Variants in SLC14A2 observed in about 807,000 individuals in gnomAD.
SLC14A2 encodes solute carrier family 14 member 2.
A neutral mutation model predicts 104.6 loss-of-function variants in SLC14A2; 91 were observed. The observed-to-expected ratio is 0.87, with a 90% CI of 0.73 to 1.04. The LOEUF (loss-of-function observed/expected upper bound fraction) is 1.04, where lower values mean the gene tolerates loss of function less well. Among genes scored for constraint, SLC14A2 ranks in the 50% least tolerant of loss-of-function variants. The probability of loss-of-function intolerance (pLI) is 0.00; values close to 1 mark genes in which losing one functional copy is unlikely to be tolerated. For synonymous variants in SLC14A2, 476 were observed against 466.4 expected (o/e 1.02, Z -0.27); for missense variants, 1,189 against 1,156.0 (o/e 1.03, Z -0.41).
chr18:45,488,380 G>A (rs578153509), intron 2 of SLC14A2, among the ~76,000 whole-genome samples: 25 of 152,298 alleles, frequency 1.6e-4, no homozygotes, highest in South Asian at 4.1e-4. Context: ...CTGAGGGCAG[G>A]GCAGGGCAGG....
chr18:45,567,003 A>T (rs1346131509), intron 2 of SLC14A2, among the ~76,000 whole-genome samples: 2 of 152,110 alleles, frequency 1.3e-5, no homozygotes, highest in African/African-American at 2.4e-5. Context: ...GGACATATAG[A>T]CACAAACCAC....
intron 1 of SLC14A2, among the ~76,000 whole-genome samples, chr18:45,374,272 A>G (rs1040282390): frequency 2.6e-5 from 4 of 152,222 alleles, no homozygotes; most frequent in African/African-American, 7.2e-5. Context: ...CTCTCCTGGA[A>G]GAAAGAACAA....
intron 2 of SLC14A2, among the ~76,000 whole-genome samples, chr18:45,547,964 T>C (rs980877705): frequency 2.0e-5 from 3 of 152,140 alleles, no homozygotes; most frequent in Admixed American, 2.0e-4. Context: ...GCTAGGAGAA[T>C]GGGTTCAAAT....
rs1599102438 is a variant in SLC14A2, at chr18:45,640,027, C to T, written c.991+134C>T. The T allele has an allele frequency of 4.8e-6, 4 of 829,974 alleles. No homozygotes were observed. In the East Asian group the frequency reaches 1.1e-4, roughly 23 times the overall value. The allele number at this position is 829,974 out of a possible 1,614,324, so 51.4% of individuals were successfully genotyped here. ...ACTTTCAGGGAGACAGGCACGGTGA[C>T]TTATGCCTGTAATCCCAGCACTTTG... is the stretch of plus-strand genomic sequence containing the variant. On this transcript the variant is annotated intron_variant, in intron 7 of 19. Transcript: ENST00000255226.
chr18:45,667,724 T>A, intron 13 of SLC14A2, 109 bp from the exon 14 acceptor site: 1 of 841,282 alleles, frequency 1.2e-6, no homozygotes, highest in South Asian at 1.6e-5. Context: ...GGTGGCTGGC[T>A]TCCTGCAAAC....
chr18:45,610,298 A>G (rs2044951271), intron 2 of SLC14A2, among the ~76,000 whole-genome samples: 1 of 152,194 alleles, frequency 6.6e-6, no homozygotes, highest in Non-Finnish European at 1.5e-5. Context: ...TGGAGTAGCA[A>G]GGGCATAAAA....
At chr18:45,348,706 T>C (rs555174581) in intron 1 of SLC14A2, among the ~76,000 whole-genome samples, 1 of 152,306 alleles carries the variant, frequency 6.6e-6, no homozygotes, top group Non-Finnish European at 1.5e-5. Flanking sequence ...GGTAGAACAG[T>C]AATGATTTTC....
intron 10 of SLC14A2, among the ~76,000 whole-genome samples, chr18:45,645,814 A>G (rs1407160837): frequency 2.0e-5 from 3 of 152,062 alleles, no homozygotes; most frequent in Admixed American, 6.5e-5. Flanking sequence ...ACTTTATTAA[A>G]CAAGCAGTGA....
At chr18:45,278,843 AG>A (rs938490665) in intron 1 of SLC14A2, among the ~76,000 whole-genome samples, 1 of 152,106 alleles carries the variant, frequency 6.6e-6, no homozygotes, top group Non-Finnish European at 1.5e-5. Flanking sequence ...CAAAACCTGA[AG>A]GGTTTGGTTT....
chr18:45,263,642 G>A (rs1431986910), intron 1 of SLC14A2, among the ~76,000 whole-genome samples: 1 of 152,156 alleles, frequency 6.6e-6, no homozygotes, highest in Non-Finnish European at 1.5e-5. Context: ...GGAAGGAAGA[G>A]CTGTTGTTTC....
intron 1 of SLC14A2, among the ~76,000 whole-genome samples, chr18:45,475,007 G>T (rs1212092361): frequency 6.6e-6 from 1 of 152,068 alleles, no homozygotes; most frequent in Non-Finnish European, 1.5e-5. Context: ...TTTCTCCTGT[G>T]GGCATTTAAT....
upstream of SLC14A2, among the ~76,000 whole-genome samples, chr18:45,613,191 T>A (rs954843474): frequency 5.3e-5 from 8 of 152,040 alleles, no homozygotes; most frequent in African/African-American, 1.9e-4. Context: ...CCCGCCACCA[T>A]GCCCAGCTAA....
At chr18:45,436,674 C>A (rs193016515) in intron 1 of SLC14A2, 3 of 152,052 alleles carry the variant, frequency 2.0e-5, no homozygotes, top group Middle Eastern at 3.2e-3. Flanking sequence ...CAGTGACAGG[C>A]GATTTGAGGT....
intron 1 of SLC14A2, among the ~76,000 whole-genome samples, chr18:45,315,120 A>G (rs530649753): frequency 1.3e-5 from 2 of 152,188 alleles, no homozygotes; most frequent in African/African-American, 4.8e-5. Flanking sequence ...GAAGAACTGT[A>G]TCTCACTGCA....
chr18:45,334,551 C>T (rs2085320332), intron 1 of SLC14A2, among the ~76,000 whole-genome samples: 1 of 152,184 alleles, frequency 6.6e-6, no homozygotes, highest in South Asian at 2.1e-4. Flanking sequence ...GTATTTACTT[C>T]TGTGGGTCCA....
At chr18:45,470,160 T>C (rs1372821479) in intron 1 of SLC14A2, among the ~76,000 whole-genome samples, 7 of 152,238 alleles carry the variant, frequency 4.6e-5, no homozygotes, top group Non-Finnish European at 7.3e-5. Context: ...TAAATATTTA[T>C]AATGTTTAGA....
intron 1 of SLC14A2, among the ~76,000 whole-genome samples, chr18:45,437,882 C>CAA (rs941757578): frequency 6.6e-6 from 1 of 152,166 alleles, no homozygotes; most frequent in African/African-American, 2.4e-5. Flanking sequence ...TCATACTGAG[C>CAA]AAAATACATG....
intron 1 of SLC14A2, among the ~76,000 whole-genome samples, chr18:45,230,419 C>T (rs1006207927): frequency 5.3e-5 from 8 of 152,050 alleles, no homozygotes; most frequent in African/African-American, 1.9e-4. Flanking sequence ...GCCTGTGGGC[C>T]CTATCTTTCA....
the SLC14A2 span, among the ~76,000 whole-genome samples, chr18:45,174,188 C>T: frequency 2.6e-5 from 4 of 152,052 alleles, no homozygotes; most frequent in Admixed American, 1.3e-4. Context: ...GAGTTTTCTT[C>T]CTGGAAGGGA....
Sources: gnomAD v4.1 joint callset for allele counts (sites outside exome capture counted in the v4.1 genomes callset) on GRCh38, gnomAD v4.1.1 for gene constraint, MANE v1.5 for transcripts, NCBI Gene and HGNC (gene_info 2026-07-23, HGNC 2026-07-21) for gene names.